Variants in ATP8A2 observed in about 807,000 individuals in gnomAD.
ATP8A2 encodes the protein phospholipid-transporting ATPase IB.
ATP8A2 carries 100 observed loss-of-function variants against 165.6 expected under a neutral mutation model. That is an observed-to-expected ratio of 0.60 (90% CI 0.51 to 0.71). The LOEUF is 0.71. Ranked by LOEUF, ATP8A2 falls within the 30% of genes least tolerant of loss-of-function variation. The pLI is 0.00. For synonymous variants in ATP8A2, 543 were observed against 548.8 expected (o/e 0.99, Z 0.15); for missense variants, 1,227 against 1,479.5 (o/e 0.83, Z 2.80).
intron 33 of ATP8A2, among the ~76,000 whole-genome samples, chr13:25,914,026 T>C (rs1304644497): frequency 1.3e-5 from 2 of 152,170 alleles, no homozygotes; most frequent in Non-Finnish European, 2.9e-5. Flanking sequence ...CAAAAGACAC[T>C]CTCGTCATCA....
At chr13:25,833,747 G>A (rs774153077) in intron 28 of ATP8A2, among the ~76,000 whole-genome samples, 9 of 152,124 alleles carry the variant, frequency 5.9e-5, no homozygotes, top group Non-Finnish European at 1.2e-4. Context: ...GACACTCCTG[G>A]AAACATGTAC....
intron 4 of ATP8A2, among the ~76,000 whole-genome samples, chr13:25,531,263 A>ATATATATGTTATATATGATATATGT (rs1555291099): frequency 0.21 from 17,895 of 85,290 alleles, 2,867 homozygotes; most frequent in Middle Eastern, 0.37. Flanking sequence ...GATATATATG[A>ATATATATGTTATATATGATATATGT]TATATATGAT....
chr13:25,845,942 G>A (rs1372983931), intron 30 of ATP8A2, among the ~76,000 whole-genome samples: 7 of 152,200 alleles, frequency 4.6e-5, no homozygotes, highest in African/African-American at 2.4e-5. Flanking sequence ...TTGGGAGGCC[G>A]AGGCAGGCAG....
intron 1 of ATP8A2, among the ~76,000 whole-genome samples, chr13:25,390,579 G>A (rs2033207510): frequency 1.3e-5 from 2 of 152,086 alleles, no homozygotes; most frequent in African/African-American, 4.8e-5. Flanking sequence ...TCATACAAAT[G>A]GAATCAAACA....
chr13:25,466,096 C>T (rs900857323), intron 1 of ATP8A2, among the ~76,000 whole-genome samples: 5 of 152,144 alleles, frequency 3.3e-5, no homozygotes, highest in African/African-American at 9.7e-5. Flanking sequence ...GCCAGATGCT[C>T]TTCTCTCCTG....
chr13:25,928,058 T>C (rs1451844591), intron 33 of ATP8A2, among the ~76,000 whole-genome samples: 6 of 152,224 alleles, frequency 3.9e-5, no homozygotes, highest in Admixed American at 3.9e-4. Flanking sequence ...AATGGAAATG[T>C]TATGGTTTCA....
At chr13:25,927,475 G>A (rs890228926) in intron 33 of ATP8A2, among the ~76,000 whole-genome samples, 2 of 152,178 alleles carry the variant, frequency 1.3e-5, no homozygotes, top group Non-Finnish European at 2.9e-5. Context: ...AAACCATGGC[G>A]CTGCTTTTGG....
intron 24 of ATP8A2, among the ~76,000 whole-genome samples, chr13:25,674,487 C>T (rs2042333007): frequency 6.6e-6 from 1 of 152,164 alleles, no homozygotes; most frequent in Admixed American, 6.5e-5. Flanking sequence ...GTCTCTGATG[C>T]CTCTTGGCCC....
chr13:25,753,990 T>C (rs898732637), intron 25 of ATP8A2, among the ~76,000 whole-genome samples: 5 of 152,262 alleles, frequency 3.3e-5, no homozygotes, highest in African/African-American at 1.2e-4. Flanking sequence ...CTTAGCATGG[T>C]GTCTGTGTGA....
intron 35 of ATP8A2, among the ~76,000 whole-genome samples, chr13:25,981,987 A>G (rs1442850678): frequency 1.3e-5 from 2 of 152,206 alleles, no homozygotes; most frequent in Non-Finnish European, 2.9e-5. Flanking sequence ...TTACTAGTGG[A>G]ATCAAAAATT....
chr13:25,504,162 C>T (rs933049766), intron 2 of ATP8A2, among the ~76,000 whole-genome samples: 1 of 152,166 alleles, frequency 6.6e-6, no homozygotes, highest in Non-Finnish European at 1.5e-5. Context: ...GCTCCACTAC[C>T]CTGCTACCTC....
chr13:25,891,317 C>CTTTTGTTTTG (rs201576551), intron 33 of ATP8A2, among the ~76,000 whole-genome samples: 21 of 151,880 alleles, frequency 1.4e-4, no homozygotes, highest in Non-Finnish European at 2.7e-4. Flanking sequence ...AGACCTGAGC[C>CTTTTGTTTTG]TTTTGTTTTG....
intron 2 of ATP8A2, among the ~76,000 whole-genome samples, chr13:25,496,699 T>G (rs1478937471): frequency 6.6e-6 from 1 of 152,182 alleles, no homozygotes; most frequent in African/African-American, 2.4e-5. Flanking sequence ...TGCTCTGATC[T>G]CTAATAGCCC....
chr13:25,674,517 G>A (rs1016398704), intron 24 of ATP8A2, among the ~76,000 whole-genome samples: 2 of 152,180 alleles, frequency 1.3e-5, no homozygotes, highest in African/African-American at 4.8e-5. Flanking sequence ...ACCAAGAGAG[G>A]ATTAGAATGG....
chr13:25,403,751 A>G (rs573409044), intron 1 of ATP8A2, among the ~76,000 whole-genome samples: 15 of 152,342 alleles, frequency 9.8e-5, no homozygotes, highest in African/African-American at 2.4e-4. Context: ...TGGCCTGCCA[A>G]CTTAATTCCT....
intron 33 of ATP8A2, among the ~76,000 whole-genome samples, chr13:25,893,712 G>A (rs1172735897): frequency 6.6e-6 from 1 of 152,172 alleles, no homozygotes; most frequent in Non-Finnish European, 1.5e-5. Flanking sequence ...TCCAGCACCT[G>A]TTGTTTCCTG....
At chr13:25,740,345 A>C (rs2043884542) in intron 25 of ATP8A2, among the ~76,000 whole-genome samples, 1 of 150,458 alleles carries the variant, frequency 6.6e-6, no homozygotes, top group African/African-American at 2.4e-5. Flanking sequence ...AGACATGATT[A>C]TTTTTGCAGA....
chr13:25,824,829 G>T (rs189534129), intron 27 of ATP8A2, among the ~76,000 whole-genome samples: 259 of 152,092 alleles, frequency 1.7e-3, no homozygotes, highest in Admixed American at 2.9e-3. Flanking sequence ...AAAAAAGGAG[G>T]GAAAAAGCAT....
intron 27 of ATP8A2, among the ~76,000 whole-genome samples, chr13:25,786,553 G>A (rs956177735): frequency 7.2e-5 from 11 of 152,088 alleles, no homozygotes; most frequent in African/African-American, 2.4e-4. Flanking sequence ...AATCTTTTTT[G>A]TCAGTCCCTT....
Sources: gnomAD v4.1 joint callset for allele counts (sites outside exome capture counted in the v4.1 genomes callset) on GRCh38, gnomAD v4.1.1 for gene constraint, MANE v1.5 for transcripts, NCBI Gene and HGNC (gene_info 2026-07-23, HGNC 2026-07-21) for gene names.